CERT1: variants seen among roughly 807,000 people sequenced by gnomAD.
CERT1 encodes the protein ceramide transfer protein.
CERT1 carries 31 observed loss-of-function variants against 87.9 expected under a neutral mutation model. The observed-to-expected ratio is 0.35, with a 90% CI of 0.27 to 0.48. CERT1 has a LOEUF of 0.48. Ranked by LOEUF, CERT1 falls within the 20% of genes least tolerant of loss-of-function variation. The pLI is 0.99. For missense variants in CERT1, 487 were observed against 758.0 expected, an observed-to-expected ratio of 0.64 and a Z score of 4.20; for synonymous variants, 289 against 250.9, an observed-to-expected ratio of 1.15 and a Z score of -1.44.
At chr5:75,419,979 CT>C (rs1273635169) in intron 5 of CERT1, among the ~76,000 whole-genome samples, 476 of 141,682 alleles carry the variant, frequency 3.4e-3, no homozygotes, top group Middle Eastern at 7.2e-3. Flanking sequence ...AAGAGTTGTT[CT>C]TTTTTTTTTT....
In CERT1 at chr5:75,488,145, AAC is replaced by A. The variant is rs144297793; in HGVS notation, c.231+17835_231+17836del. Among the ~76,000 whole-genome samples the A allele has an allele frequency of 2.1e-3, 324 of 152,208 alleles. 1 individual carries two copies. In the East Asian group the frequency reaches 0.027, roughly 13 times the overall value. On this transcript the variant is annotated intron_variant, in intron 2 of 16. Coordinates refer to ENST00000643780, the MANE Select transcript of CERT1 (RefSeq NM_001379029.1). ...ATAAGAATCTAGTATTTGATAGCAT[AAC>A]ACAGTGACTAGAGTGAACAAAAATT... is the stretch of plus-strand genomic sequence containing the variant.
At chr5:75,498,648 C>T (rs527367689) in intron 2 of CERT1, among the ~76,000 whole-genome samples, 8 of 152,354 alleles carry the variant, frequency 5.3e-5, no homozygotes, top group Admixed American at 3.3e-4. Context: ...TGGGAAACTC[C>T]GCCTACATTT....
At chr5:75,461,978 A>G (rs1224445854) in intron 2 of CERT1, among the ~76,000 whole-genome samples, 2 of 152,220 alleles carry the variant, frequency 1.3e-5, no homozygotes, top group African/African-American at 2.4e-5. Flanking sequence ...AGTAACAATC[A>G]ATCCTGTCTT....
Position 75,511,093 on chromosome 5 carries a change from G to A in CERT1, c.96+19C>T, listed in dbSNP as rs758991949. ...AGGTGAGTCTGGCCAGGGGTCCCTT[G>A]GCACCAGGGGTTGCTCACCTTACTG... On this transcript the variant is annotated intron_variant, in intron 1 of 16. Transcript: ENST00000643780. 13 of 1,528,378 alleles carry A rather than the reference G, an allele frequency of 8.5e-6. No homozygotes were observed. The highest frequency in any genetic ancestry group is 4.2e-5 in the Admixed American group (2 of 47,616). The allele number at this position is 1,528,378 out of a possible 1,614,324, so 94.7% of individuals were successfully genotyped here.
chr5:75,431,189 T>A (rs545471400), intron 3 of CERT1, among the ~76,000 whole-genome samples: 3 of 152,286 alleles, frequency 2.0e-5, no homozygotes, highest in South Asian at 4.2e-4. Context: ...CTGACAGGTA[T>A]TTTTTTGTCC....
chr5:75,434,186 GTTTTTTT>G (rs370209071), intron 3 of CERT1, among the ~76,000 whole-genome samples: 4 of 126,772 alleles, frequency 3.2e-5, no homozygotes, highest in East Asian at 2.3e-4. Context: ...GTTTGTTGAG[GTTTTTTT>G]TTTTTTTTTT....
At chr5:75,477,962 G>C (rs1316587936) in intron 2 of CERT1, among the ~76,000 whole-genome samples, 1 of 152,082 alleles carries the variant, frequency 6.6e-6, no homozygotes, top group East Asian at 1.9e-4. Context: ...CATTCATCTT[G>C]ACTTAACAAA....
intron 7 of CERT1, among the ~76,000 whole-genome samples, chr5:75,412,163 C>T (rs1762957445): frequency 2.6e-5 from 4 of 152,260 alleles, no homozygotes; most frequent in Middle Eastern, 6.8e-3. Context: ...AATAGTCATA[C>T]ATGGCTTTTT....
In CERT1 at chr5:75,390,059, G is replaced by C. The variant is rs569012657; in HGVS notation, c.1189-372C>G. Among the ~76,000 whole-genome samples, 5 of 152,296 alleles carry C rather than the reference G, an allele frequency of 3.3e-5. No individual in the cohort carries two copies. In the South Asian group the frequency reaches 6.2e-4, roughly 19 times the overall value. On this transcript the variant is annotated intron_variant, in intron 11 of 16. Coordinates refer to ENST00000643780, the MANE Select transcript of CERT1 (RefSeq NM_001379029.1). The stretch of plus-strand genomic sequence containing the variant: ...GAAGAGTAGAGATAAAGGGGGCACA[G>C]AGATCATCCAGTCTAATGTTCCTAT...
rs774266975 is a variant in CERT1, at chr5:75,491,595, T to C, written c.231+14387A>G. Among the ~76,000 whole-genome samples, 28 of 152,262 alleles carry C rather than the reference T, an allele frequency of 1.8e-4. 1 individual carries two copies. Among genetic ancestry groups the C allele is most frequent in the South Asian group, 1.2e-3 (6 of 4,816 alleles). On this transcript the variant is annotated intron_variant, in intron 2 of 16. Coordinates refer to ENST00000643780, the MANE Select transcript of CERT1 (RefSeq NM_001379029.1). Reference sequence around the variant, plus strand: ...GCTCCTTCTGTCTTCTCAAGGAACATATCTTGGTCTAATTTTCCTTGCCAC... The same window carrying C: ...GCTCCTTCTGTCTTCTCAAGGAACACATCTTGGTCTAATTTTCCTTGCCAC...
At chr5:75,453,821 TATGTGA>T (rs1190507407) in intron 3 of CERT1, among the ~76,000 whole-genome samples, 2 of 8,436 alleles carry the variant, frequency 2.4e-4, no homozygotes, top group African/African-American at 1.2e-3. Context: ...CGCGTGTATG[TATGTGA>T]GAGAGAGAGA....
chr5:75,389,451 A>G (rs1761944814), intron 12 of CERT1, 141 bp downstream of exon 12: 1 of 621,548 alleles, frequency 1.6e-6, no homozygotes, highest in Admixed American at 2.8e-5. Context: ...ATTGCTCAAT[A>G]TATGGTACTG....
At chr5:75,393,622 A>AAAAAAAAAAAAAC in intron 11 of CERT1, among the ~76,000 whole-genome samples, 1 of 145,970 alleles carries the variant, frequency 6.9e-6, no homozygotes, top group Non-Finnish European at 1.5e-5. Context: ...AAAAAAAAAA[A>AAAAAAAAAAAAAC]AGAAAGTCTA....
chr5:75,506,148 G>C (rs763314396), intron 1 of CERT1, 32 bp from the exon 2 acceptor site: 2 of 1,586,056 alleles, frequency 1.3e-6, no homozygotes, highest in South Asian at 1.2e-5. Flanking sequence ...GAAGAGAGAA[G>C]AAAACAAAAA....
chr5:75,379,729 G>A (rs1170749512), intron 16 of CERT1, among the ~76,000 whole-genome samples: 2 of 152,044 alleles, frequency 1.3e-5, no homozygotes, highest in Admixed American at 1.3e-4. Context: ...GGGATTACAG[G>A]TGCACGCCAC....
intron 2 of CERT1, among the ~76,000 whole-genome samples, chr5:75,494,785 T>C (rs1168029790): frequency 2.0e-5 from 3 of 152,248 alleles, no homozygotes; most frequent in Non-Finnish European, 4.4e-5. Context: ...TCTACAATGC[T>C]GTCTTCTGTA....
At chr5:75,451,207 A>AT (rs1314409925) in intron 3 of CERT1, among the ~76,000 whole-genome samples, 1 of 152,136 alleles carries the variant, frequency 6.6e-6, no homozygotes, top group Non-Finnish European at 1.5e-5. Context: ...CCGTGTATGG[A>AT]TTACCGCATG....
intron 11 of CERT1, among the ~76,000 whole-genome samples, chr5:75,392,886 C>T (rs570224633): frequency 2.2e-5 from 3 of 136,682 alleles, no homozygotes; most frequent in South Asian, 2.4e-4. Flanking sequence ...AGGAGAATAG[C>T]GTGAACCTGC....
intron 8 of CERT1, among the ~76,000 whole-genome samples, chr5:75,407,366 T>C (rs1360358416): frequency 6.7e-6 from 1 of 149,840 alleles, no homozygotes; most frequent in Non-Finnish European, 1.5e-5. Flanking sequence ...TGATACCAAA[T>C]GTGGAGAAAA....
Sources: gnomAD v4.1 joint callset for allele counts (sites outside exome capture counted in the v4.1 genomes callset) on GRCh38, gnomAD v4.1.1 for gene constraint, MANE v1.5 for transcripts, NCBI Gene and HGNC (gene_info 2026-07-23, HGNC 2026-07-21) for gene names.